LYZL4: variants seen among roughly 807,000 people sequenced by gnomAD.
LYZL4 encodes lysozyme like 4, also known as lysozyme-like protein 4.
LYZL4 carries 13 observed loss-of-function variants against 17.6 expected under a neutral mutation model. That is an observed-to-expected ratio of 0.74 (90% CI 0.48 to 1.18). The LOEUF is 1.18. Among genes scored for constraint, LYZL4 ranks in the 50% most tolerant of loss-of-function variants. LYZL4 has a pLI of 0.00. For synonymous variants in LYZL4, 64 were observed against 67.7 expected (o/e 0.95, Z 0.27); for missense variants, 174 against 188.2 (o/e 0.92, Z 0.44).
chr3:42,397,686 C>T (rs961737950), intron 4 of LYZL4, among the ~76,000 whole-genome samples: 2 of 152,214 alleles, frequency 1.3e-5, no homozygotes, highest in South Asian at 4.1e-4. Context: ...CAGAGAAGTT[C>T]CGTGACTTTC....
intron 4 of LYZL4, among the ~76,000 whole-genome samples, chr3:42,399,699 T>G (rs33515): frequency 0.64 from 96,911 of 151,914 alleles, 32,147 homozygotes; most frequent in African/African-American, 0.83. Context: ...AAGAGGGAAA[T>G]GGTTTATTTT....
the LYZL4 span, among the ~76,000 whole-genome samples, chr3:42,389,624 C>T: frequency 0.022 from 3,304 of 152,254 alleles, 36 homozygotes; most frequent in Middle Eastern, 0.027. Flanking sequence ...GTTCCTACCT[C>T]GCTCCTAGGG....
At chr3:42,392,327 G>A (rs1698491320), downstream of LYZL4, among the ~76,000 whole-genome samples, 1 of 152,122 alleles carries the variant, frequency 6.6e-6, no homozygotes, top group African/African-American at 2.4e-5. Context: ...CTTATCTGAT[G>A]GCTTCTATTT....
At chr3:42,388,896 AG>A in the LYZL4 span, among the ~76,000 whole-genome samples, 1 of 151,976 alleles carries the variant, frequency 6.6e-6, no homozygotes, top group Non-Finnish European at 1.5e-5. Flanking sequence ...TGTGGGGAGG[AG>A]GTAGGGAAGC....
chr3:42,397,917 C>T (rs752960736), intron 4 of LYZL4, among the ~76,000 whole-genome samples: 1 of 152,188 alleles, frequency 6.6e-6, no homozygotes, highest in South Asian at 2.1e-4. Flanking sequence ...GGTCCCCATG[C>T]CAGCACCCAG....
chr3:42,405,228 T>G (rs140892182), intron 3 of LYZL4, among the ~76,000 whole-genome samples: 2,794 of 152,288 alleles, frequency 0.018, 86 homozygotes, highest in African/African-American at 0.063. Flanking sequence ...TTTTGTATTT[T>G]TAGTAGAGAC....
At chr3:42,384,050 T>C in the LYZL4 span, among the ~76,000 whole-genome samples, 7 of 152,226 alleles carry the variant, frequency 4.6e-5, no homozygotes, top group African/African-American at 1.7e-4. Context: ...TTGAGGCATG[T>C]CACTGTGAAA....
At chr3:42,369,834 G>A in the LYZL4 span, among the ~76,000 whole-genome samples, 2 of 152,220 alleles carry the variant, frequency 1.3e-5, no homozygotes, top group African/African-American at 2.4e-5. Context: ...CTTCATGCAA[G>A]CATTTGGGGA....
chr3:42,384,562 C>T, the LYZL4 span, among the ~76,000 whole-genome samples: 1 of 152,162 alleles, frequency 6.6e-6, no homozygotes. Flanking sequence ...GAGAATTAGA[C>T]AACTGCAGAA....
chr3:42,389,612 C>T, the LYZL4 span, among the ~76,000 whole-genome samples: 36 of 152,184 alleles, frequency 2.4e-4, no homozygotes, highest in African/African-American at 7.7e-4. Flanking sequence ...TTTTGAGAAG[C>T]AGTTCCTACC....
the LYZL4 span, among the ~76,000 whole-genome samples, chr3:42,389,515 C>G: frequency 3.7e-4 from 57 of 152,344 alleles, 1 homozygote; most frequent in Middle Eastern, 3.4e-3. Flanking sequence ...CACGGAGCCT[C>G]TGGAAAACCC....
chr3:42,402,916 C>T (rs1171071370), intron 4 of LYZL4, among the ~76,000 whole-genome samples: 1 of 152,150 alleles, frequency 6.6e-6, no homozygotes, highest in Non-Finnish European at 1.5e-5. Flanking sequence ...TACTGTATAG[C>T]AATGAGAATG....
the LYZL4 span, among the ~76,000 whole-genome samples, chr3:42,390,120 G>A: frequency 4.6e-5 from 7 of 152,188 alleles, no homozygotes; most frequent in Non-Finnish European, 7.3e-5. Flanking sequence ...TAATGATTTG[G>A]CTGGATGGTC....
intron 3 of LYZL4, among the ~76,000 whole-genome samples, chr3:42,405,205 C>A (rs910250033): frequency 6.6e-6 from 1 of 152,250 alleles, no homozygotes. Context: ...CCTGCCACCA[C>A]GCCCGTCTAA....
intron 4 of LYZL4, among the ~76,000 whole-genome samples, chr3:42,399,214 G>A (rs896167153): frequency 1.3e-5 from 2 of 152,166 alleles, no homozygotes; most frequent in Non-Finnish European, 2.9e-5. Flanking sequence ...GGAGAAACAG[G>A]CCCCTTCATG....
Position 42,407,159 on chromosome 3 carries a change from G to A in LYZL4, c.93C>T (p.Leu31=). The A allele has an allele frequency of 6.2e-7, 1 of 1,614,140 alleles. No homozygotes were observed. The highest frequency in any genetic ancestry group is 8.5e-7 in the Non-Finnish European group (1 of 1,180,040). The change falls in exon 2 of 5, where the codon CTC becomes CTT. Residue 31 remains leucine, a synonymous_variant. Transcript: ENST00000287748. The part of the protein sequence containing the change: ...ILGRCTVAKK[L]HDGGLDYFEG... ...CAAAATAATCCAGGCCTCCATCGTG[G>A]AGTTTCTTAGCCACTGTGCAACGCC... is the stretch of plus-strand genomic sequence containing the variant.
At chr3:42,389,166 A>G in the LYZL4 span, among the ~76,000 whole-genome samples, 1 of 152,196 alleles carries the variant, frequency 6.6e-6, no homozygotes, top group African/African-American at 2.4e-5. Flanking sequence ...AGGGTTCTGC[A>G]TACAGTCTAG....
At chr3:42,398,382 T>C (rs1340082027) in intron 4 of LYZL4, among the ~76,000 whole-genome samples, 1 of 152,310 alleles carries the variant, frequency 6.6e-6, no homozygotes, top group South Asian at 2.1e-4. Context: ...ACACTAAATA[T>C]GGTTTTAGTT....
Position 42,397,193 on chromosome 3 carries a change from GAAGCAGC to G in LYZL4, c.*65_*71del. 2 of 1,047,706 alleles carry G rather than the reference GAAGCAGC, an allele frequency of 1.9e-6. No homozygotes were observed. Among genetic ancestry groups the G allele is most frequent in the Non-Finnish European group, 2.9e-6 (2 of 699,960 alleles). 64.9% of individuals were successfully genotyped at this position (1,047,706 alleles called of 1,614,324 possible). ...GGTGAGATCATCAAAAGGATTGACTGAAGCAGCAAGCAGAAAAGCACCTTCATTCACA... is the reference window on the plus strand; with the variant it reads ...GGTGAGATCATCAAAAGGATTGACTGAAGCAGAAAAGCACCTTCATTCACA... On this transcript the variant is annotated 3_prime_UTR_variant, in exon 5 of 5. Coordinates refer to ENST00000287748, the MANE Select transcript of LYZL4 (RefSeq NM_144634.4).
Sources: allele counts gnomAD v4.1 joint callset (sites outside exome capture counted in the v4.1 genomes callset), GRCh38; gene constraint gnomAD v4.1.1; transcripts MANE v1.5; gene names NCBI Gene and HGNC (gene_info 2026-07-23, HGNC 2026-07-21).